SPATA6: variants seen among roughly 807,000 people sequenced by gnomAD.
SPATA6 encodes spermatogenesis-associated protein 6.
A neutral mutation model predicts 65.3 loss-of-function variants in SPATA6; 56 were observed. The observed-to-expected ratio is 0.86, with a 90% CI of 0.69 to 1.07. The LOEUF is 1.07. Ranked by LOEUF, SPATA6 falls within the 50% of genes least tolerant of loss-of-function variation. The pLI is 0.00. For missense variants in SPATA6, 590 were observed against 594.8 expected (o/e 0.99, Z 0.08); for synonymous variants, 199 against 213.2 (o/e 0.93, Z 0.58).
At chr1:48,378,515 C>T (rs1648183983) in intron 9 of SPATA6, among the ~76,000 whole-genome samples, 5 of 152,134 alleles carry the variant, frequency 3.3e-5, no homozygotes, top group Admixed American at 2.6e-4. Context: ...ATTGGACTTA[C>T]AGTTCCACAC....
intron 1 of SPATA6, among the ~76,000 whole-genome samples, chr1:48,457,592 T>C (rs1236277450): frequency 6.6e-6 from 1 of 152,174 alleles, no homozygotes; most frequent in Non-Finnish European, 1.5e-5. Flanking sequence ...GGCAGAGTGA[T>C]AACTGACTCA....
Position 48,296,082 on chromosome 1 carries a change from TA to T in SPATA6, c.*2630del, listed in dbSNP as rs2148627746. ...TTTTTTATGATTTAAAGAAAAAAAT[TA>T]AAAAGTAAAAAGAAAAGCCTATTTA... On this transcript the variant is annotated 3_prime_UTR_variant, in exon 13 of 13. Coordinates refer to ENST00000371847, the MANE Select transcript of SPATA6 (RefSeq NM_019073.4). 2.0e-5 allele frequency: 3 copies of T among 151,870 alleles called. No individual in the cohort carries two copies. The South Asian group carries it at 6.2e-4, about 32-fold the overall frequency. 9.4% of individuals were successfully genotyped at this position (151,870 alleles called of 1,614,324 possible). A position where few individuals can be genotyped will look rare whatever the true frequency, so the allele number is the denominator to read the frequency against.
chr1:48,447,593 G>C (rs1166185751), intron 3 of SPATA6, among the ~76,000 whole-genome samples: 1 of 152,100 alleles, frequency 6.6e-6, no homozygotes, highest in Non-Finnish European at 1.5e-5. Flanking sequence ...CTTGTTCAAA[G>C]GTCAACTGCA....
At chr1:48,349,084 G>A (rs550670726) in intron 11 of SPATA6, among the ~76,000 whole-genome samples, 1 of 151,968 alleles carries the variant, frequency 6.6e-6, no homozygotes, top group South Asian at 2.1e-4. Flanking sequence ...ATTTACATTT[G>A]TAAATGACTA....
downstream of SPATA6, among the ~76,000 whole-genome samples, chr1:48,291,764 C>T (rs1421320655): frequency 6.6e-6 from 1 of 152,164 alleles, no homozygotes; most frequent in Admixed American, 6.5e-5. Flanking sequence ...TCTGTGGATT[C>T]TCTAGGCTTT....
At chr1:48,304,996 G>A (rs1309240798) in intron 12 of SPATA6, among the ~76,000 whole-genome samples, 1 of 152,094 alleles carries the variant, frequency 6.6e-6, no homozygotes, top group Non-Finnish European at 1.5e-5. Context: ...TGTTTAAAGA[G>A]AGGCCTAGGT....
At chr1:48,305,921 T>A in intron 11 of SPATA6, 43 bp from the exon 12 acceptor site, 2 of 1,470,410 alleles carry the variant, frequency 1.4e-6, no homozygotes, top group Non-Finnish European at 1.9e-6. Context: ...TGTCTCATTG[T>A]CCCCAAAATG....
chr1:48,351,127 A>G (rs897992096), intron 11 of SPATA6, among the ~76,000 whole-genome samples: 4 of 151,960 alleles, frequency 2.6e-5, no homozygotes, highest in African/African-American at 9.7e-5. Flanking sequence ...TGTAAATGGC[A>G]TAGATCTTAT....
the SPATA6 span, among the ~76,000 whole-genome samples, chr1:48,284,737 T>C: frequency 6.6e-6 from 1 of 152,194 alleles, no homozygotes; most frequent in East Asian, 1.9e-4. Context: ...CAGACCCTGT[T>C]TGCCTGGTTA....
At chr1:48,360,793 G>A (rs1646790163) in intron 9 of SPATA6, among the ~76,000 whole-genome samples, 2 of 152,166 alleles carry the variant, frequency 1.3e-5, no homozygotes, top group South Asian at 4.1e-4. Context: ...GGAAAAGCAT[G>A]CTGGCTTGGG....
At chr1:48,304,569 C>G (rs1271122942) in intron 12 of SPATA6, among the ~76,000 whole-genome samples, 1 of 152,122 alleles carries the variant, frequency 6.6e-6, no homozygotes. Flanking sequence ...TTCTCAAACT[C>G]TTGGCCTCAA....
chr1:48,332,893 A>T (rs1006593848), intron 11 of SPATA6, among the ~76,000 whole-genome samples: 3 of 152,248 alleles, frequency 2.0e-5, no homozygotes, highest in African/African-American at 7.2e-5. Context: ...CCACAGTACA[A>T]TAAAAATAGA....
At chr1:48,450,358 A>G (rs1656450961) in intron 3 of SPATA6, among the ~76,000 whole-genome samples, 1 of 150,830 alleles carries the variant, frequency 6.6e-6, no homozygotes, top group Non-Finnish European at 1.5e-5. Flanking sequence ...AAAAAAAATC[A>G]GGGAAATCAA....
At chr1:48,373,414 T>C (rs1368284840) in intron 9 of SPATA6, among the ~76,000 whole-genome samples, 1 of 152,200 alleles carries the variant, frequency 6.6e-6, no homozygotes, top group Non-Finnish European at 1.5e-5. Flanking sequence ...TTATTGCCCA[T>C]ATCGCTATCA....
At chr1:48,467,257 T>C (rs1019178693) in intron 1 of SPATA6, among the ~76,000 whole-genome samples, 5 of 152,084 alleles carry the variant, frequency 3.3e-5, no homozygotes, top group Admixed American at 6.6e-5. Context: ...ATTACTAAAG[T>C]ATTACACAGA....
intron 9 of SPATA6, among the ~76,000 whole-genome samples, chr1:48,384,356 G>GGGAC (rs1649199689): frequency 2.7e-3 from 9 of 3,294 alleles, no homozygotes; most frequent in African/African-American, 5.6e-3. Context: ...GGGACAGGGA[G>GGGAC]AGGGAGAGGG....
intron 4 of SPATA6, among the ~76,000 whole-genome samples, chr1:48,411,868 CTT>C (rs551357245): frequency 2.1e-5 from 3 of 146,266 alleles, no homozygotes; most frequent in Non-Finnish European, 3.0e-5. Context: ...TTGAGACAGA[CTT>C]TTTTTTTTTT....
At chr1:48,337,510 C>T (rs1646092760) in intron 11 of SPATA6, among the ~76,000 whole-genome samples, 2 of 151,338 alleles carry the variant, frequency 1.3e-5, no homozygotes, top group Non-Finnish European at 3.0e-5. Context: ...ATTTTAGAAA[C>T]CCTAAATAAC....
At chr1:48,358,793 G>A (rs1363646904) in intron 10 of SPATA6, among the ~76,000 whole-genome samples, 1 of 152,110 alleles carries the variant, frequency 6.6e-6, no homozygotes, top group African/African-American at 2.4e-5. Context: ...CCATATCTCA[G>A]GATTAGGGTC....
Sources: allele counts gnomAD v4.1 joint callset (sites outside exome capture counted in the v4.1 genomes callset), GRCh38; gene constraint gnomAD v4.1.1; transcripts MANE v1.5; gene names NCBI Gene and HGNC (gene_info 2026-07-23, HGNC 2026-07-21).